The following TAFA4 variants were observed in gnomAD, a reference collection of about 807,000 sequenced individuals.
TAFA4 encodes TAFA chemokine like family member 4, also known as chemokine-like protein TAFA-4.
Under a neutral mutation model 21.1 loss-of-function variants are expected in TAFA4, and 20 were observed. The observed-to-expected ratio is 0.95, with a 90% confidence interval of 0.67 to 1.38. The LOEUF (loss-of-function observed/expected upper bound fraction) is 1.38, where lower values mean the gene tolerates loss of function less well. Ranked by LOEUF, TAFA4 falls within the 40% of genes most tolerant of loss-of-function variation. The pLI, the probability that TAFA4 is intolerant of heterozygous loss-of-function variation, is 0.00. For synonymous variants in TAFA4, 71 were observed against 67.4 expected, an observed-to-expected ratio of 1.05 and a Z score of -0.26; for missense variants, 211 against 180.9, an observed-to-expected ratio of 1.17 and a Z score of -0.95.
At chr3:68,786,227 C>A (rs770999454) in intron 3 of TAFA4, among the ~76,000 whole-genome samples, 18 of 152,082 alleles carry the variant, frequency 1.2e-4, no homozygotes, top group Non-Finnish European at 2.6e-4. Flanking sequence ...TATAACAAAC[C>A]TGCACATCCT....
At chr3:68,862,430 G>C (rs148765540) in intron 3 of TAFA4, among the ~76,000 whole-genome samples, 154 of 152,228 alleles carry the variant, frequency 1.0e-3, no homozygotes, top group African/African-American at 3.5e-3. Flanking sequence ...GTGCCAACAA[G>C]CATTTAGCAG....
At chr3:68,814,788 T>C (rs1239193083) in intron 3 of TAFA4, among the ~76,000 whole-genome samples, 1 of 152,186 alleles carries the variant, frequency 6.6e-6, no homozygotes, top group Non-Finnish European at 1.5e-5. Context: ...ACCAATGACT[T>C]TCTTCACAGA....
intron 3 of TAFA4, among the ~76,000 whole-genome samples, chr3:68,817,112 C>G (rs573851124): frequency 1.3e-5 from 2 of 152,174 alleles, no homozygotes; most frequent in Non-Finnish European, 2.9e-5. Flanking sequence ...ACAGAACTTT[C>G]AAAACTGAAG....
At chr3:68,795,485 T>C (rs1470724471) in intron 3 of TAFA4, among the ~76,000 whole-genome samples, 1 of 152,150 alleles carries the variant, frequency 6.6e-6, no homozygotes, top group Admixed American at 6.6e-5. Flanking sequence ...TCACGAGTTA[T>C]TGACTCAAGC....
chr3:68,852,011 A>G (rs1217911548), intron 3 of TAFA4, among the ~76,000 whole-genome samples: 3 of 152,030 alleles, frequency 2.0e-5, no homozygotes, highest in Admixed American at 2.0e-4. Flanking sequence ...GCCCAGGAAT[A>G]TGTGTTTTAA....
intron 1 of TAFA4, among the ~76,000 whole-genome samples, chr3:68,898,228 T>C (rs1214726329): frequency 6.6e-6 from 1 of 152,204 alleles, no homozygotes; most frequent in Non-Finnish European, 1.5e-5. Flanking sequence ...AATCAACTTG[T>C]TATGTATGAT....
intron 1 of TAFA4, among the ~76,000 whole-genome samples, chr3:68,908,488 G>C (rs1575668347): frequency 6.7e-6 from 1 of 149,412 alleles, no homozygotes; most frequent in Non-Finnish European, 1.5e-5. Context: ...GCTAAGAAGG[G>C]AAACAGCCAC....
chr3:68,789,084 T>A (rs183917612), intron 3 of TAFA4, among the ~76,000 whole-genome samples: 5 of 152,042 alleles, frequency 3.3e-5, no homozygotes, highest in Non-Finnish European at 2.9e-5. Flanking sequence ...ATACAAAAAA[T>A]TAGCCAGGCA....
chr3:68,858,688 T>G (rs1705128042), intron 3 of TAFA4, among the ~76,000 whole-genome samples: 1 of 151,764 alleles, frequency 6.6e-6, no homozygotes, highest in African/African-American at 2.4e-5. Flanking sequence ...TGTCCCCTTT[T>G]AACTGAGGAA....
At chr3:68,744,833 G>A (rs11929233) in intron 4 of TAFA4, among the ~76,000 whole-genome samples, 3,495 of 152,236 alleles carry the variant, frequency 0.023, 126 homozygotes, top group African/African-American at 0.078. Context: ...CAGGTTTTTC[G>A]TTTAATTGGA....
At chr3:68,916,008 C>T (rs1457623943) in intron 1 of TAFA4, 1 of 152,140 alleles carries the variant, frequency 6.6e-6, no homozygotes, top group Non-Finnish European at 1.5e-5. Context: ...CTATTTTTGA[C>T]AGACAAGTTC....
At chr3:68,801,911 ATCAT>A (rs1233829313) in intron 3 of TAFA4, among the ~76,000 whole-genome samples, 2 of 151,546 alleles carry the variant, frequency 1.3e-5, no homozygotes, top group African/African-American at 4.8e-5. Context: ...TTGTCCCCTA[ATCAT>A]TCAAATAATT....
intron 3 of TAFA4, among the ~76,000 whole-genome samples, chr3:68,802,557 G>T (rs978219485): frequency 6.6e-6 from 1 of 152,082 alleles, no homozygotes; most frequent in Non-Finnish European, 1.5e-5. Context: ...GGTGAGTATG[G>T]CTTTGTTGAA....
At chr3:68,753,677 C>T (rs1367144986) in intron 3 of TAFA4, among the ~76,000 whole-genome samples, 2 of 152,022 alleles carry the variant, frequency 1.3e-5, no homozygotes, top group African/African-American at 4.8e-5. Flanking sequence ...CTGGATTATC[C>T]AGGTCAGGCC....
chr3:68,897,626 C>CA (rs893732564), intron 1 of TAFA4, among the ~76,000 whole-genome samples: 44 of 135,108 alleles, frequency 3.3e-4, no homozygotes, highest in East Asian at 1.4e-3. Flanking sequence ...AACTCCATCT[C>CA]AAAAAAAAAA....
chr3:68,746,990 C>A (rs1379522062), intron 4 of TAFA4, among the ~76,000 whole-genome samples: 1 of 152,206 alleles, frequency 6.6e-6, no homozygotes, highest in Non-Finnish European at 1.5e-5. Flanking sequence ...CCTCTCCCAG[C>A]TGTCTTGAGA....
At chr3:68,892,700 A>T (rs913034068) in intron 1 of TAFA4, among the ~76,000 whole-genome samples, 4 of 152,228 alleles carry the variant, frequency 2.6e-5, no homozygotes, top group Admixed American at 2.6e-4. Context: ...AAGAACTGAG[A>T]AATTCCTTAA....
chr3:68,903,182 C>T (rs543912415), intron 1 of TAFA4, among the ~76,000 whole-genome samples: 11 of 152,172 alleles, frequency 7.2e-5, no homozygotes, highest in East Asian at 5.8e-4. Context: ...AGCAAAGGGT[C>T]GCCCACCCAC....
At chr3:68,864,592 T>C (rs1308985623) in intron 3 of TAFA4, among the ~76,000 whole-genome samples, 2 of 152,110 alleles carry the variant, frequency 1.3e-5, no homozygotes, top group African/African-American at 2.4e-5. Context: ...TCTCCCAAGG[T>C]AGTTACCAAA....
Sources: allele counts gnomAD v4.1 joint callset (sites outside exome capture counted in the v4.1 genomes callset), GRCh38; gene constraint gnomAD v4.1.1; transcripts MANE v1.5; gene names NCBI Gene and HGNC (gene_info 2026-07-23, HGNC 2026-07-21).